RAD51B: variants seen among roughly 807,000 people sequenced by gnomAD.
The protein encoded by RAD51B is RAD51 paralog B.
A neutral mutation model predicts 42.2 loss-of-function variants in RAD51B; 38 were observed. That is an observed-to-expected ratio of 0.90 (90% CI 0.70 to 1.18). The LOEUF (loss-of-function observed/expected upper bound fraction) is 1.18. Ranked by LOEUF, RAD51B falls within the 50% of genes most tolerant of loss-of-function variation. The pLI is 0.00. For synonymous variants in RAD51B, 154 were observed against 145.2 expected (o/e 1.06, Z -0.43); for missense variants, 373 against 400.7 (o/e 0.93, Z 0.59).
At chr14:68,290,260 T>G (rs1478710180) in intron 7 of RAD51B, among the ~76,000 whole-genome samples, 1 of 152,204 alleles carries the variant, frequency 6.6e-6, no homozygotes, top group Non-Finnish European at 1.5e-5. Flanking sequence ...GTGCACTAAA[T>G]GCCTAGTGCC....
chr14:67,828,540 T>C (rs1358532052), intron 3 of RAD51B, among the ~76,000 whole-genome samples: 3 of 152,218 alleles, frequency 2.0e-5, no homozygotes, highest in Non-Finnish European at 4.4e-5. Flanking sequence ...ATTTTTGTCA[T>C]GATATCTTTG....
intron 9 of RAD51B, among the ~76,000 whole-genome samples, chr14:68,444,417 C>T (rs1201780066): frequency 6.6e-6 from 1 of 150,460 alleles, no homozygotes; most frequent in Non-Finnish European, 1.5e-5. Context: ...TAAGCAAATT[C>T]CACAGGTGGA....
At chr14:68,102,803 T>G (rs952741988) in intron 7 of RAD51B, among the ~76,000 whole-genome samples, 1 of 152,124 alleles carries the variant, frequency 6.6e-6, no homozygotes, top group Admixed American at 6.5e-5. Flanking sequence ...TGGTACCAGT[T>G]TACTATATTA....
chr14:68,594,627 T>C, exon 11 of RAD51B: 1 of 1,282,124 alleles, frequency 7.8e-7, no homozygotes, highest in Non-Finnish European at 1.0e-6. Flanking sequence ...TGGGGTCTCA[T>C]TATGTTGCCC....
At chr14:68,030,307 G>C (rs2076021417) in intron 7 of RAD51B, among the ~76,000 whole-genome samples, 1 of 152,184 alleles carries the variant, frequency 6.6e-6, no homozygotes, top group South Asian at 2.1e-4. Flanking sequence ...CCAATAGAAG[G>C]CTGTTTTGTT....
At chr14:68,658,394 A>T (rs1269759228) in intron 11 of RAD51B, among the ~76,000 whole-genome samples, 1 of 152,232 alleles carries the variant, frequency 6.6e-6, no homozygotes, top group Non-Finnish European at 1.5e-5. Flanking sequence ...TCAGATGATG[A>T]GGGCCACTGG....
At chr14:68,363,471 C>T (rs913500577) in intron 8 of RAD51B, among the ~76,000 whole-genome samples, 4 of 151,870 alleles carry the variant, frequency 2.6e-5, no homozygotes, top group African/African-American at 4.8e-5. Context: ...TCTCAGTGTC[C>T]GCCAGTATGG....
chr14:68,354,188 A>G lies in RAD51B; in HGVS notation c.854-57236A>G, dbSNP rs142019781. On this transcript the variant is annotated intron_variant, in intron 8 of 10. Transcript: ENST00000471583. ...ATTATAAGAACTTTTGTGTCTTCCA[A>G]TAATGTTTTTTGGTTTTTGGTTTTT... is the stretch of plus-strand genomic sequence containing the variant. Among the ~76,000 whole-genome samples the G allele has an allele frequency of 2.0e-3, 302 of 150,794 alleles. 1 individual carries two copies. The highest frequency in any genetic ancestry group is 6.9e-3 in the African/African-American group (283 of 40,974).
intron 9 of RAD51B, among the ~76,000 whole-genome samples, chr14:68,460,280 G>C (rs569617846): frequency 1.4e-3 from 208 of 151,982 alleles, no homozygotes; most frequent in Admixed American, 2.8e-3. Context: ...GGTGAAATCT[G>C]GTCTCTACTA....
At chr14:68,276,101 C>T (rs534168131) in intron 7 of RAD51B, among the ~76,000 whole-genome samples, 9 of 152,252 alleles carry the variant, frequency 5.9e-5, no homozygotes, top group Admixed American at 5.2e-4. Flanking sequence ...GTATAAATAC[C>T]TGTGCTGTTA....
intron 7 of RAD51B, among the ~76,000 whole-genome samples, chr14:68,138,144 AT>A (rs34242733): frequency 0.55 from 82,710 of 151,060 alleles, 25,014 homozygotes; most frequent in East Asian, 0.7. Flanking sequence ...CCCATTTAGT[AT>A]TTTTTTTTTC....
At chr14:68,243,696 A>C (rs1157697827) in intron 7 of RAD51B, among the ~76,000 whole-genome samples, 1 of 152,176 alleles carries the variant, frequency 6.6e-6, no homozygotes, top group Non-Finnish European at 1.5e-5. Flanking sequence ...TGATGACTCA[A>C]ATAGGCTATA....
chr14:67,926,123 A>G (rs1380274214), intron 7 of RAD51B, among the ~76,000 whole-genome samples: 2 of 152,104 alleles, frequency 1.3e-5, no homozygotes, highest in East Asian at 1.9e-4. Context: ...TTACTTATGC[A>G]ACTTTCTGCA....
At chr14:68,628,036 G>A (rs1193872748) in intron 10 of RAD51B, among the ~76,000 whole-genome samples, 1 of 152,050 alleles carries the variant, frequency 6.6e-6, no homozygotes, top group Non-Finnish European at 1.5e-5. Context: ...TGAAAGAGCC[G>A]TTCACCCAGC....
chr14:68,498,315 C>T (rs1884684318), intron 10 of RAD51B, among the ~76,000 whole-genome samples: 1 of 152,216 alleles, frequency 6.6e-6, no homozygotes, highest in African/African-American at 2.4e-5. Flanking sequence ...AAAGATGGTT[C>T]AGAGAAGCAG....
chr14:67,823,692 C>A, intron 2 of RAD51B, 65 bp downstream of exon 2: 5 of 1,183,330 alleles, frequency 4.2e-6, no homozygotes, highest in Non-Finnish European at 6.0e-6. Context: ...ACCTTAATAC[C>A]TCTTAAACTT....
intron 10 of RAD51B, among the ~76,000 whole-genome samples, chr14:68,561,801 G>A (rs1889163753): frequency 6.6e-6 from 1 of 152,208 alleles, no homozygotes; most frequent in African/African-American, 2.4e-5. Flanking sequence ...CTGCAGCTTG[G>A]TGAATGAACA....
chr14:68,123,051 G>A (rs2077682626), intron 7 of RAD51B, among the ~76,000 whole-genome samples: 1 of 152,120 alleles, frequency 6.6e-6, no homozygotes, highest in Admixed American at 6.5e-5. Flanking sequence ...TTTGCTGTGT[G>A]AGAAACAGGA....
intron 9 of RAD51B, among the ~76,000 whole-genome samples, chr14:68,429,912 A>G (rs1464957805): frequency 6.6e-6 from 1 of 151,980 alleles, no homozygotes; most frequent in Non-Finnish European, 1.5e-5. Flanking sequence ...TCCATCTTGA[A>G]TTAATTTTTG....
Sources: allele counts gnomAD v4.1 joint callset (sites outside exome capture counted in the v4.1 genomes callset), GRCh38; gene constraint gnomAD v4.1.1; transcripts MANE v1.5; gene names NCBI Gene and HGNC (gene_info 2026-07-23, HGNC 2026-07-21).